CAPZA1: variants seen among roughly 807,000 people sequenced by gnomAD.
CAPZA1 encodes F-actin-capping protein subunit alpha-1.
CAPZA1 carries 10 observed loss-of-function variants against 40.8 expected under a neutral mutation model. The observed-to-expected ratio is 0.25, with a 90% CI of 0.15 to 0.42. The LOEUF (loss-of-function observed/expected upper bound fraction) is 0.42, where lower values mean the gene tolerates loss of function less well. Ranked by LOEUF, CAPZA1 falls within the 10% of genes least tolerant of loss-of-function variation. The pLI, the probability that CAPZA1 is intolerant of heterozygous loss-of-function variation, is 1.00. For synonymous variants in CAPZA1, 98 were observed against 115.0 expected, an observed-to-expected ratio of 0.85 and a Z score of 0.95; for missense variants, 277 against 353.8, an observed-to-expected ratio of 0.78 and a Z score of 1.74.
intron 3 of CAPZA1, among the ~76,000 whole-genome samples, chr1:112,650,262 T>A (rs1420823278): frequency 6.6e-6 from 1 of 152,220 alleles, no homozygotes; most frequent in Non-Finnish European, 1.5e-5. Flanking sequence ...GTTTAGATTT[T>A]AGCCATAGAA....
intron 1 of CAPZA1, among the ~76,000 whole-genome samples, chr1:112,642,202 CTTTTTTTTTT>C (rs770352173): frequency 5.1e-5 from 3 of 59,078 alleles, no homozygotes; most frequent in African/African-American, 2.2e-4. Context: ...TACCCCGCAC[CTTTTTTTTTT>C]TTTTTTTTTT....
rs766813977 is a variant in CAPZA1, at chr1:112,619,853, C to G, written c.9C>G (p.Asp3Glu). MA[D>E]FDDRVSDEEK... ...GGCCAGAACAGCCCAAGATGGCCGA[C>G]TTCGATGATCGTGTGTCGGATGAGG... The change falls in exon 1 of 10, where the codon GAC becomes GAG. Residue 3 changes from aspartate (D) to glutamate (E), a missense_variant. Asp to Glu is a conservative substitution (Grantham distance 45). Around this residue, in one of 2 missense-constraint regions of CAPZA1, gnomAD observed 85 missense variants for 76.5 expected, o/e 1.11. Transcript: ENST00000263168. The G allele has an allele frequency of 5.6e-6, 9 of 1,613,228 alleles. No homozygotes were observed. The South Asian group carries it at 9.9e-5, about 18-fold the overall frequency.
rs142900187 is a variant in CAPZA1, at chr1:112,653,806, T to G, written c.219+145T>G. ...GTGTGTACTGTACGTGTTAGGATATTCTTCTCTTTCTCATAACACTAGCAG... is the reference window on the plus strand; with the variant it reads ...GTGTGTACTGTACGTGTTAGGATATGCTTCTCTTTCTCATAACACTAGCAG... On this transcript the variant is annotated intron_variant, in intron 4 of 9. Coordinates refer to ENST00000263168, the MANE Select transcript of CAPZA1 (RefSeq NM_006135.3). 68 of 576,298 alleles carry G rather than the reference T, an allele frequency of 1.2e-4. No homozygotes were observed. In the East Asian group the frequency reaches 2.0e-3, roughly 17 times the overall value. 35.7% of individuals were successfully genotyped at this position (576,298 alleles called of 1,614,324 possible). A position where few individuals can be genotyped will look rare whatever the true frequency, so the allele number is the denominator to read the frequency against.
chr1:112,621,984 A>C (rs1207129149), intron 1 of CAPZA1, among the ~76,000 whole-genome samples: 2 of 151,158 alleles, frequency 1.3e-5, no homozygotes, highest in Admixed American at 1.3e-4. Flanking sequence ...GCTGGTCTCG[A>C]ACTCCTGACC....
chr1:112,663,046 C>T (rs1009468900), intron 7 of CAPZA1, among the ~76,000 whole-genome samples: 1 of 152,060 alleles, frequency 6.6e-6, no homozygotes, highest in Admixed American at 6.6e-5. Context: ...CTCATTGCAA[C>T]GTCCGCCTCC....
At chr1:112,646,813 T>C (rs1671289254) in intron 1 of CAPZA1, 1 of 152,974 alleles carries the variant, frequency 6.5e-6, no homozygotes, top group Non-Finnish European at 1.5e-5. Flanking sequence ...CAGTAACTTA[T>C]TATATTGAAC....
intron 3 of CAPZA1, among the ~76,000 whole-genome samples, chr1:112,651,948 C>T (rs1017927104): frequency 6.0e-5 from 9 of 150,804 alleles, no homozygotes; most frequent in African/African-American, 2.0e-4. Context: ...AGACTCCCCC[C>T]GATCTCTAAA....
intron 1 of CAPZA1, among the ~76,000 whole-genome samples, chr1:112,633,926 G>C (rs1305569249): frequency 3.9e-5 from 6 of 152,016 alleles, no homozygotes; most frequent in Non-Finnish European, 8.8e-5. Context: ...TTTTAAAATT[G>C]GGTTATTTGT....
intron 1 of CAPZA1, among the ~76,000 whole-genome samples, chr1:112,644,910 A>G (rs770168158): frequency 3.9e-5 from 6 of 152,334 alleles, no homozygotes; most frequent in Non-Finnish European, 7.4e-5. Context: ...ATCAAGAAGG[A>G]AAGGATCCAG....
intron 7 of CAPZA1, among the ~76,000 whole-genome samples, chr1:112,664,368 T>C (rs1671682256): frequency 6.6e-6 from 1 of 152,170 alleles, no homozygotes; most frequent in Non-Finnish European, 1.5e-5. Context: ...TATGCCCTTC[T>C]AATGATATCC....
intron 1 of CAPZA1, among the ~76,000 whole-genome samples, chr1:112,639,281 C>T (rs537386505): frequency 6.6e-6 from 1 of 152,186 alleles, no homozygotes; most frequent in South Asian, 2.1e-4. Context: ...TCCTCGCTTT[C>T]ATTTAAAAAC....
At chr1:112,651,411 G>C (rs1218292009) in intron 3 of CAPZA1, among the ~76,000 whole-genome samples, 1 of 152,224 alleles carries the variant, frequency 6.6e-6, no homozygotes, top group Non-Finnish European at 1.5e-5. Context: ...ATAGTTCAGG[G>C]ATAGATGCTA....
chr1:112,622,802 ATTAT>A (rs1434580669), intron 1 of CAPZA1, among the ~76,000 whole-genome samples: 2 of 152,180 alleles, frequency 1.3e-5, no homozygotes, highest in Non-Finnish European at 2.9e-5. Context: ...GTTTATCAAA[ATTAT>A]TTAGTAGAGC....
chr1:112,627,419 C>T lies in CAPZA1; in HGVS notation c.39+7536C>T, dbSNP rs558002298. On this transcript the variant is annotated intron_variant, in intron 1 of 9. Transcript: ENST00000263168. ...CAGCACTTTGGGAGGCTGAGGCAGG[C>T]GGATTACTTGAACCCAGGAGTTCAA... Among the ~76,000 whole-genome samples the T allele has an allele frequency of 6.6e-5, 10 of 151,636 alleles. No homozygotes were observed. The East Asian group carries it at 1.4e-3, about 21-fold the overall frequency.
In CAPZA1 at chr1:112,641,606, G is replaced by A. The variant is rs113168062; in HGVS notation, c.40-5604G>A. Among the ~76,000 whole-genome samples the A allele has an allele frequency of 2.7e-3, 407 of 151,878 alleles. 2 individuals carry two copies. The highest frequency in any genetic ancestry group is 9.5e-3 in the African/African-American group (393 of 41,410). ...ATCTGTTAAATTAGATATTAAAACT[G>A]AGGCCGGGCGCAGTGGCTCACACCT... On this transcript the variant is annotated intron_variant, in intron 1 of 9. Coordinates refer to ENST00000263168, the MANE Select transcript of CAPZA1 (RefSeq NM_006135.3).
intron 1 of CAPZA1, among the ~76,000 whole-genome samples, chr1:112,624,214 T>A (rs1246566043): frequency 6.6e-6 from 1 of 152,042 alleles, no homozygotes; most frequent in East Asian, 1.9e-4. Context: ...GATCCCAGGT[T>A]TTTCTGATTA....
intron 7 of CAPZA1, among the ~76,000 whole-genome samples, chr1:112,660,864 G>A (rs1310522954): frequency 4.2e-5 from 2 of 47,590 alleles, no homozygotes; most frequent in African/African-American, 1.7e-4. Context: ...TTTTTTTTTT[G>A]AGAAGGAGGA....
chr1:112,640,212 C>T (rs1570709225), intron 1 of CAPZA1, among the ~76,000 whole-genome samples: 1 of 128,262 alleles, frequency 7.8e-6, no homozygotes, highest in Non-Finnish European at 1.7e-5. Flanking sequence ...CCCGCCCGGC[C>T]AGCCGCCCCG....
chr1:112,623,723 C>T (rs1391678055), intron 1 of CAPZA1, among the ~76,000 whole-genome samples: 4 of 149,566 alleles, frequency 2.7e-5, no homozygotes, highest in Admixed American at 2.7e-4. Context: ...CGCGGTGGTT[C>T]ATGCCTGTAA....
Sources: allele counts gnomAD v4.1 joint callset (sites outside exome capture counted in the v4.1 genomes callset), GRCh38; gene constraint gnomAD v4.1.1; regional missense constraint gnomAD v4.1.1; transcripts MANE v1.5; gene names NCBI Gene and HGNC (gene_info 2026-07-23, HGNC 2026-07-21).